Variants in LOC101059915 observed in about 807,000 individuals in gnomAD.
the LOC101059915 span, chrX:71,671,343 C>G: frequency 2.1e-6 from 2 of 930,603 alleles, no homozygotes; most frequent in Non-Finnish European, 1.5e-6. Context: ...CTGAGCTGCT[C>G]TGTTTCACAG....
the LOC101059915 span, chrX:71,671,443 C>T: frequency 1.9e-5 from 8 of 419,266 alleles, no homozygotes; most frequent in East Asian, 3.3e-4. Context: ...ATATCCTGTT[C>T]AGCCAGGGCT....
chrX:71,668,560 G>A, the LOC101059915 span: 3 of 1,121,671 alleles, frequency 2.7e-6, no homozygotes, highest in Non-Finnish European at 3.5e-6. Flanking sequence ...CCACCGCAGG[G>A]AGAGTTACCT....
the LOC101059915 span, chrX:71,669,412 G>A: frequency 2.2e-5 from 11 of 507,395 alleles, no homozygotes; most frequent in East Asian, 5.1e-4. Context: ...TTCCCTAGCT[G>A]TTAAGCAAGC....
chrX:71,670,139 T>C, the LOC101059915 span: 3 of 939,451 alleles, frequency 3.2e-6, no homozygotes, highest in Non-Finnish European at 4.4e-6. Flanking sequence ...TTGGAGATGC[T>C]AGGCAGAGCA....
chrX:71,671,246 G>A, the LOC101059915 span: 1 of 1,165,225 alleles, frequency 8.6e-7, no homozygotes, highest in Non-Finnish European at 1.1e-6. Flanking sequence ...CAGGACCTGT[G>A]AAGTGAGTGT....
the LOC101059915 span, chrX:71,670,580 C>T: frequency 9.1e-7 from 1 of 1,099,265 alleles, no homozygotes; most frequent in Non-Finnish European, 1.2e-6. Context: ...ATTGACTAAC[C>T]ATTTCTTTTC....
chrX:71,667,573 C>T, the LOC101059915 span: 24 of 268,191 alleles, frequency 8.9e-5, no homozygotes, highest in African/African-American at 1.1e-4. Context: ...GGAAGCCACG[C>T]GCTGTCAGTG....
chrX:71,669,466 T>A, the LOC101059915 span: 4 of 747,830 alleles, frequency 5.3e-6, no homozygotes, highest in Non-Finnish European at 7.0e-6. Context: ...GTTAATAAGA[T>A]TAGTCTGGGG....
At chrX:71,667,831 T>G in the LOC101059915 span, 14 of 1,075,934 alleles carry the variant, frequency 1.3e-5, no homozygotes, top group South Asian at 3.2e-4. Flanking sequence ...AGTGTCCGTT[T>G]GCAGGGCTGG....
chrX:71,670,142 G>T, the LOC101059915 span: 5 of 955,612 alleles, frequency 5.2e-6, no homozygotes, highest in Non-Finnish European at 7.3e-6. Flanking sequence ...GAGATGCTAG[G>T]CAGAGCAGGG....
chrX:71,667,675 C>T, the LOC101059915 span: 6 of 684,156 alleles, frequency 8.8e-6, no homozygotes, highest in South Asian at 1.8e-4. Flanking sequence ...CCTGCTGTAT[C>T]AATTCGCTCT....
the LOC101059915 span, among the ~76,000 whole-genome samples, chrX:71,669,959 G>A: frequency 8.9e-6 from 1 of 112,383 alleles, no homozygotes; most frequent in Non-Finnish European, 1.9e-5. Flanking sequence ...GGAGACTTTC[G>A]GCAGTACTGA....
At chrX:71,671,081 G>A in the LOC101059915 span, 1 of 1,136,788 alleles carries the variant, frequency 8.8e-7, no homozygotes, top group East Asian at 3.3e-5. Context: ...CAGGTGACGG[G>A]TGGATGAGTC....
chrX:71,671,345 G>T, the LOC101059915 span: 1 of 906,394 alleles, frequency 1.1e-6, no homozygotes, highest in Non-Finnish European at 1.5e-6. Flanking sequence ...GAGCTGCTCT[G>T]TTTCACAGGT....
chrX:71,669,492 A>G, the LOC101059915 span: 2 of 899,388 alleles, frequency 2.2e-6, no homozygotes, highest in Non-Finnish European at 2.8e-6. Context: ...ACCTTAACAC[A>G]ACCCCTCCCC....
chrX:71,667,779 C>G, the LOC101059915 span: 1 of 1,039,787 alleles, frequency 9.6e-7, no homozygotes, highest in Non-Finnish European at 1.2e-6. Context: ...TCCCCACAGC[C>G]TGGCTGTCTA....
chrX:71,668,393 C>T, the LOC101059915 span: 729 of 1,152,419 alleles, frequency 6.3e-4, 3 homozygotes, highest in African/African-American at 0.011. Flanking sequence ...CAGCCCTCCG[C>T]GGAAGGCCCC....
chrX:71,669,850 G>A, the LOC101059915 span: 1 of 618,720 alleles, frequency 1.6e-6, no homozygotes, highest in Non-Finnish European at 2.2e-6. Flanking sequence ...CAGGAAATGG[G>A]GTGTCGACAG....
At chrX:71,670,462 T>C in the LOC101059915 span, 2 of 1,099,665 alleles carry the variant, frequency 1.8e-6, no homozygotes, top group South Asian at 4.4e-5. Context: ...AGTGAGTGCC[T>C]CCTTTCCATT....
Sources: gnomAD v4.1 joint callset for allele counts (sites outside exome capture counted in the v4.1 genomes callset) on GRCh38, gnomAD v4.1.1 for gene constraint, MANE v1.5 for transcripts.